SYK: variants seen among roughly 807,000 people sequenced by gnomAD.
SYK encodes the protein tyrosine-protein kinase SYK.
In SYK, 16 loss-of-function variants were observed where a neutral mutation model predicts 77.8. The ratio of observed to expected loss-of-function variants is 0.21; its 90% CI spans 0.14 to 0.31. SYK has a LOEUF of 0.31. SYK is among the 10% of genes least tolerant of loss of function. The probability of loss-of-function intolerance (pLI) is 1.00; values close to 1 mark genes in which losing one functional copy is unlikely to be tolerated. For synonymous variants in SYK, 312 were observed against 308.7 expected, an observed-to-expected ratio of 1.01 and a Z score of -0.11; for missense variants, 529 against 814.4, an observed-to-expected ratio of 0.65 and a Z score of 4.26.
At chr9:90,854,257 T>C (rs988111764) in intron 3 of SYK, among the ~76,000 whole-genome samples, 9 of 152,158 alleles carry the variant, frequency 5.9e-5, no homozygotes, top group Non-Finnish European at 1.3e-4. Context: ...GTGTGCAGCA[T>C]GGAGCAGGGG....
At chr9:90,851,908 G>T (rs1362960066) in intron 3 of SYK, among the ~76,000 whole-genome samples, 1 of 151,826 alleles carries the variant, frequency 6.6e-6, no homozygotes, top group Non-Finnish European at 1.5e-5. Flanking sequence ...GTATTTTTTG[G>T]ACTAAGGAAA....
At chr9:90,841,426 GTA>G (rs1491293994) in intron 1 of SYK, among the ~76,000 whole-genome samples, 2 of 151,846 alleles carry the variant, frequency 1.3e-5, no homozygotes. Context: ...TAAGATGTGT[GTA>G]GTGTGTTGTG....
intron 1 of SYK, among the ~76,000 whole-genome samples, chr9:90,837,025 G>GTGAGTTATATATATATA (rs1213174728): frequency 6.6e-6 from 1 of 152,212 alleles, no homozygotes; most frequent in African/African-American, 2.4e-5. Flanking sequence ...TAAGAATATA[G>GTGAGTTATATATATATA]TATATGATAC....
chr9:90,881,724 G>A (rs1471005886), intron 11 of SYK, among the ~76,000 whole-genome samples: 1 of 148,246 alleles, frequency 6.7e-6, no homozygotes, highest in East Asian at 2.0e-4. Context: ...AAAGAAAAGT[G>A]CTAGCTGTGG....
At chr9:90,854,233 C>T (rs1826933390) in intron 3 of SYK, among the ~76,000 whole-genome samples, 1 of 152,196 alleles carries the variant, frequency 6.6e-6, no homozygotes, top group Non-Finnish European at 1.5e-5. Context: ...ATCCTGGCTG[C>T]TCAGCTGCCC....
intron 2 of SYK, among the ~76,000 whole-genome samples, 196 bp from the exon 3 acceptor site, chr9:90,845,237 TG>T (rs1564089987): frequency 6.6e-6 from 1 of 152,218 alleles, no homozygotes; most frequent in Non-Finnish European, 1.5e-5. Flanking sequence ...TGCCCGGCCA[TG>T]TTATTTTTAT....
chr9:90,851,485 G>A (rs1826819132), intron 3 of SYK, among the ~76,000 whole-genome samples: 1 of 152,152 alleles, frequency 6.6e-6, no homozygotes, highest in Admixed American at 6.5e-5. Context: ...CATTTCTGGA[G>A]GTGATGTTCA....
At position 90,804,751 on chromosome 9, in the gene SYK, C is replaced by T. The variant is rs570802065; in HGVS notation, c.-42+2858C>T. Among the ~76,000 whole-genome samples, 22 of 152,294 alleles carry T rather than the reference C, an allele frequency of 1.4e-4. No homozygotes were observed. In the South Asian group the frequency reaches 4.6e-3, roughly 32 times the overall value. ...AATTGCCTCATTTGTGTCTTATCAC[C>T]TTCCTCTTCTACTTAGATTTGAACA... is the stretch of plus-strand genomic sequence containing the variant. On this transcript the variant is annotated intron_variant, in intron 1 of 13. Coordinates refer to ENST00000375754, the MANE Select transcript of SYK (RefSeq NM_003177.7).
chr9:90,815,516 C>T (rs1447416826), intron 1 of SYK, among the ~76,000 whole-genome samples: 1 of 152,226 alleles, frequency 6.6e-6, no homozygotes, highest in Non-Finnish European at 1.5e-5. Flanking sequence ...AATTATAGGA[C>T]TTCCTTTCAT....
chr9:90,844,117 C>T lies in SYK; in HGVS notation c.219C>T (p.Thr73=). 1 of 1,613,658 alleles carries T rather than the reference C, an allele frequency of 6.2e-7. No homozygotes were observed. The highest frequency in any genetic ancestry group is 1.3e-5 in the African/African-American group (1 of 75,076). Residue 73 remains threonine, a synonymous_variant, in exon 2 of 14, where the codon ACC becomes ACT. Transcript: ENST00000375754. ...CCATCGAGCGGGAGCTGAATGGCAC[C>T]TACGCCATCGCCGGTGGCAGGACCC... is the stretch of plus-strand genomic sequence containing the variant. ...HYTIERELNG[T]YAIAGGRTHA...
intron 7 of SYK, among the ~76,000 whole-genome samples, chr9:90,873,290 T>A (rs1248539349): frequency 6.6e-6 from 1 of 152,000 alleles, no homozygotes; most frequent in African/African-American, 2.4e-5. Context: ...GTGGCCAGTG[T>A]TTGGGCACTG....
rs1587878439 is a variant in SYK, at chr9:90,862,208, T to A, written c.581T>A (p.Ile194Asn). ...TGCAGTTCCATCCTCTCTTCTAGGA[T>A]CCGAGCCAGAGACAACAACGGCTCC... ...IGSKTNGKFL[I>N]RARDNNGSYA... Residue 194 changes from isoleucine to asparagine, a missense_variant and splice_region_variant, in exon 4 of 14, where the codon ATC (isoleucine) becomes AAC (asparagine). Coordinates refer to ENST00000375754, the MANE Select transcript of SYK (RefSeq NM_003177.7). 1 of 1,610,614 alleles carries A rather than the reference T, an allele frequency of 6.2e-7. No homozygotes were observed. Among genetic ancestry groups the A allele is most frequent in the Admixed American group, 1.7e-5 (1 of 59,746 alleles).
chr9:90,878,990 G>A, intron 11 of SYK, 37 bp downstream of exon 11: 4 of 1,438,870 alleles, frequency 2.8e-6, no homozygotes, highest in South Asian at 1.3e-5. Flanking sequence ...AGCAGCAGGT[G>A]GTAAAAAATG....
intron 1 of SYK, among the ~76,000 whole-genome samples, chr9:90,802,395 A>T (rs1338142760): frequency 6.6e-6 from 1 of 152,248 alleles, no homozygotes; most frequent in Admixed American, 6.5e-5. Context: ...TTTTACTACA[A>T]AAAGAAACAG....
intron 1 of SYK, among the ~76,000 whole-genome samples, chr9:90,842,673 T>C (rs1388741780): frequency 1.3e-5 from 2 of 151,532 alleles, no homozygotes; most frequent in Admixed American, 6.6e-5. Flanking sequence ...AGTGTGCATG[T>C]AGTACATGGT....
At chr9:90,865,311 C>CTT (rs372346771) in intron 6 of SYK, among the ~76,000 whole-genome samples, 2 of 145,014 alleles carry the variant, frequency 1.4e-5, no homozygotes, top group Non-Finnish European at 1.5e-5. Flanking sequence ...TTTTCTTTTG[C>CTT]TTTTTTTTTT....
At chr9:90,861,873 G>A (rs55721521) in intron 3 of SYK, among the ~76,000 whole-genome samples, 3,907 of 152,292 alleles carry the variant, frequency 0.026, 66 homozygotes, top group Middle Eastern at 0.11. Flanking sequence ...ACCCTGAGAA[G>A]CGTCACTGCT....
At chr9:90,822,362 CA>C (rs1231684030) in intron 1 of SYK, among the ~76,000 whole-genome samples, 1 of 151,822 alleles carries the variant, frequency 6.6e-6, no homozygotes, top group African/African-American at 2.4e-5. Flanking sequence ...AAGGGCATTG[CA>C]AAAAAAGTCC....
At chr9:90,824,095 G>A (rs888588413) in intron 1 of SYK, among the ~76,000 whole-genome samples, 3 of 152,052 alleles carry the variant, frequency 2.0e-5, no homozygotes, top group African/African-American at 7.2e-5. Flanking sequence ...GATATAAAAA[G>A]ATGATAAAGG....
Sources: gnomAD v4.1 joint callset for allele counts (sites outside exome capture counted in the v4.1 genomes callset) on GRCh38, gnomAD v4.1.1 for gene constraint, MANE v1.5 for transcripts, NCBI Gene and HGNC (gene_info 2026-07-23, HGNC 2026-07-21) for gene names.